CCDC7: variants seen among roughly 807,000 people sequenced by gnomAD.
CCDC7 encodes the protein coiled-coil domain-containing protein 7.
A neutral mutation model predicts 196.9 loss-of-function variants in CCDC7; 183 were observed. That is an observed-to-expected ratio of 0.93 (90% CI 0.82 to 1.05). The LOEUF (loss-of-function observed/expected upper bound fraction) is 1.05, where lower values mean the gene tolerates loss of function less well. Among genes scored for constraint, CCDC7 ranks in the 50% least tolerant of loss-of-function variants. The pLI is 0.00. For missense variants in CCDC7, 1,540 were observed against 1,482.2 expected (o/e 1.04, Z -0.64); for synonymous variants, 525 against 484.6 (o/e 1.08, Z -1.10).
intron 10 of CCDC7, among the ~76,000 whole-genome samples, chr10:32,518,215 T>G (rs1050543930): frequency 4.6e-5 from 7 of 152,158 alleles, no homozygotes; most frequent in Non-Finnish European, 7.4e-5. Flanking sequence ...TACAGTCATC[T>G]GAATAGTTCC....
chr10:32,782,632 T>G (rs1592706672), intron 29 of CCDC7, among the ~76,000 whole-genome samples: 1 of 152,236 alleles, frequency 6.6e-6, no homozygotes, highest in African/African-American at 2.4e-5. Context: ...AGGTTATTGT[T>G]GCAAAATAGA....
chr10:32,449,266 C>T (rs1249955980), upstream of CCDC7, among the ~76,000 whole-genome samples: 2 of 152,096 alleles, frequency 1.3e-5, no homozygotes, highest in African/African-American at 4.8e-5. Flanking sequence ...CTGCTCACTG[C>T]AACCTCTACC....
At chr10:32,606,688 C>T (rs916128394) in intron 18 of CCDC7, among the ~76,000 whole-genome samples, 1 of 152,236 alleles carries the variant, frequency 6.6e-6, no homozygotes, top group Non-Finnish European at 1.5e-5. Context: ...TGTCATCCTT[C>T]TCTTTAGGCC....
In CCDC7 at chr10:32,851,679, G is replaced by A; in HGVS notation, c.3896-128G>A. On this transcript the variant is annotated intron_variant, in intron 39 of 41. Coordinates refer to ENST00000639629, the Ensembl canonical transcript of CCDC7. ...TTGTTGCAGTCTATGTATCCTTTCAGTTTTTTTAAATGTTTGCTTTATATA... is the reference window on the plus strand; with the variant it reads ...TTGTTGCAGTCTATGTATCCTTTCAATTTTTTTAAATGTTTGCTTTATATA... 4 of 913,884 alleles carry A rather than the reference G, an allele frequency of 4.4e-6. No individual in the cohort carries two copies. In the South Asian group the frequency reaches 7.5e-5, roughly 17 times the overall value. The allele number at this position is 913,884 out of a possible 1,614,324, so 56.6% of individuals were successfully genotyped here.
intron 11 of CCDC7, among the ~76,000 whole-genome samples, chr10:32,520,931 T>C (rs940144536): frequency 6.6e-6 from 1 of 152,170 alleles, no homozygotes; most frequent in Non-Finnish European, 1.5e-5. Context: ...TTCATTCATC[T>C]GCATATAGCT....
chr10:32,657,949 A>G (rs551201300), intron 20 of CCDC7, among the ~76,000 whole-genome samples: 2 of 152,326 alleles, frequency 1.3e-5, no homozygotes, highest in African/African-American at 4.8e-5. Context: ...GCAAAATGCT[A>G]CCAGTCTCTT....
chr10:32,693,878 C>T (rs897136109), intron 23 of CCDC7, among the ~76,000 whole-genome samples: 2 of 152,128 alleles, frequency 1.3e-5, no homozygotes, highest in African/African-American at 2.4e-5. Flanking sequence ...GCTGGCTCCC[C>T]CCTTGTGCTC....
chr10:32,594,637 A>C (rs1397509888), intron 18 of CCDC7, among the ~76,000 whole-genome samples: 2 of 152,204 alleles, frequency 1.3e-5, no homozygotes, highest in African/African-American at 4.8e-5. Context: ...CAGTTTTCAA[A>C]GGGAACACTT....
intron 8 of CCDC7, among the ~76,000 whole-genome samples, chr10:32,480,025 AT>A (rs1258512030): frequency 2.0e-5 from 3 of 151,520 alleles, no homozygotes; most frequent in African/African-American, 7.3e-5. Context: ...TATCCTTTGT[AT>A]TTTTGTGGTA....
chr10:32,726,303 C>A (rs1351526847), intron 25 of CCDC7, among the ~76,000 whole-genome samples: 3 of 151,634 alleles, frequency 2.0e-5, no homozygotes, highest in Non-Finnish European at 4.4e-5. Context: ...TATATCATAT[C>A]ATAATTTATA....
intron 41 of CCDC7, among the ~76,000 whole-genome samples, chr10:32,863,810 T>G (rs2094101238): frequency 6.6e-6 from 1 of 151,614 alleles, no homozygotes; most frequent in South Asian, 2.1e-4. Context: ...GAAGAGAACA[T>G]AGGAGAAAAG....
rs182451292 is a variant in CCDC7, at chr10:32,782,882, A to G, written c.3013+3798A>G. Among the ~76,000 whole-genome samples the G allele has an allele frequency of 5.6e-4, 86 of 152,382 alleles. No individual in the cohort carries two copies. The Middle Eastern group carries it at 0.014, about 24-fold the overall frequency. ...CAAATAACTTTCAGCAAAGTTGCCA[A>G]TACCATTTACTGGTAAGAAGGCAGT... On this transcript the variant is annotated intron_variant, in intron 29 of 41. Transcript: ENST00000639629.
chr10:32,695,131 C>A (rs750721323), intron 24 of CCDC7, 139 bp downstream of exon 25: 7 of 406,266 alleles, frequency 1.7e-5, no homozygotes, highest in Middle Eastern at 7.0e-4. Flanking sequence ...CTTAAAATAA[C>A]TAGAGAACAA....
At chr10:32,517,868 A>G in intron 9 of CCDC7, 77 bp from the exon 11 acceptor site, 2 of 1,520,980 alleles carry the variant, frequency 1.3e-6, no homozygotes, top group Non-Finnish European at 1.8e-6. Context: ...AAAGAAAAAA[A>G]AAGAAAATGT....
intron 3 of CCDC7, among the ~76,000 whole-genome samples, chr10:32,462,334 A>G (rs1240983765): frequency 1.3e-5 from 2 of 152,148 alleles, no homozygotes; most frequent in African/African-American, 4.8e-5. Flanking sequence ...CTGAGGCAAG[A>G]GGATCACTTG....
At chr10:32,822,474 T>C (rs1215604030) in intron 31 of CCDC7, among the ~76,000 whole-genome samples, 1 of 152,170 alleles carries the variant, frequency 6.6e-6, no homozygotes, top group Non-Finnish European at 1.5e-5. Flanking sequence ...TAACAAATCC[T>C]ATAAACATGT....
At chr10:32,733,448 A>T (rs1236881943) in intron 28 of CCDC7, among the ~76,000 whole-genome samples, 1 of 152,152 alleles carries the variant, frequency 6.6e-6, no homozygotes, top group Non-Finnish European at 1.5e-5. Flanking sequence ...TGCATTTTCA[A>T]AAAGCAAATC....
At chr10:32,659,813 G>C (rs930825897) in intron 20 of CCDC7, among the ~76,000 whole-genome samples, 1 of 152,142 alleles carries the variant, frequency 6.6e-6, no homozygotes. Flanking sequence ...TTACTAAAAA[G>C]CCCAAAAAGA....
At chr10:32,634,076 T>TA (rs1388131090) in intron 18 of CCDC7, among the ~76,000 whole-genome samples, 178 bp from the exon 20 acceptor site, 1 of 152,168 alleles carries the variant, frequency 6.6e-6, no homozygotes, top group Non-Finnish European at 1.5e-5. Context: ...AACAGCAACA[T>TA]ACACCTATTA....
Sources: allele counts gnomAD v4.1 joint callset (sites outside exome capture counted in the v4.1 genomes callset), GRCh38; gene constraint gnomAD v4.1.1; transcripts MANE v1.5; gene names NCBI Gene and HGNC (gene_info 2026-07-23, HGNC 2026-07-21).